The following STK25 variants were observed in gnomAD, a reference collection of about 807,000 sequenced individuals.
STK25 encodes the protein serine/threonine-protein kinase 25.
Under a neutral mutation model 53.8 loss-of-function variants are expected in STK25, and 29 were observed. That is an observed-to-expected ratio of 0.54 (90% CI 0.40 to 0.74). STK25 has a LOEUF of 0.74. STK25 is among the 30% of genes least tolerant of loss of function. The pLI is 0.00. For missense variants in STK25, 420 were observed against 568.0 expected, an observed-to-expected ratio of 0.74 and a Z score of 2.65; for synonymous variants, 247 against 238.3, an observed-to-expected ratio of 1.04 and a Z score of -0.33.
chr2:241,507,629 C>T (rs2065918407), intron 2 of STK25, among the ~76,000 whole-genome samples: 1 of 152,220 alleles, frequency 6.6e-6, no homozygotes, highest in Non-Finnish European at 1.5e-5. Context: ...CGGCCCAGGC[C>T]GAGGCCGCAG....
intron 2 of STK25, among the ~76,000 whole-genome samples, chr2:241,503,072 A>G (rs1174179626): frequency 6.6e-6 from 1 of 151,972 alleles, no homozygotes; most frequent in Non-Finnish European, 1.5e-5. Context: ...ACCCTTTTTT[A>G]AATGTTTTTG....
intron 8 of STK25, 119 bp downstream of exon 8, chr2:241,498,519 TC>T: frequency 7.3e-7 from 1 of 1,366,482 alleles, no homozygotes; most frequent in Non-Finnish European, 9.9e-7. Context: ...CTTGAGGGGG[TC>T]CCTGCCCAAC....
intron 9 of STK25, 119 bp downstream of exon 9, chr2:241,498,116 C>A: frequency 1.0e-6 from 1 of 958,550 alleles, no homozygotes; most frequent in Non-Finnish European, 1.7e-6. Context: ...ACCACCCCTG[C>A]CTTTCCCAAG....
Position 241,501,799 on chromosome 2 carries a change from C to A in STK25, c.31-91G>T. On this transcript the variant is annotated intron_variant, in intron 2 of 11. Coordinates refer to ENST00000316586, the MANE Select transcript of STK25 (RefSeq NM_001271977.2). This position sits in a 1 kb window ranked among gnomAD's most constrained non-coding sequence, Gnocchi z 5.3. ...GGCTGCCCTGCTGGGGAGGAAGGGA[C>A]CTGTAGGGAAGGGGGAGTCCAAGGG... is the stretch of plus-strand genomic sequence containing the variant. 1 of 916,004 alleles carries A rather than the reference C, an allele frequency of 1.1e-6. No individual in the cohort carries two copies. 56.7% of individuals were successfully genotyped at this position (916,004 alleles called of 1,614,324 possible). A position where few individuals can be genotyped will look rare whatever the true frequency, so the allele number is the denominator to read the frequency against.
In STK25 at chr2:241,493,071, T is replaced by C; in HGVS notation, c.*2591A>G. 3 of 1,282,416 alleles carry C rather than the reference T, an allele frequency of 2.3e-6. No individual in the cohort carries two copies. The highest frequency in any genetic ancestry group is 3.4e-6 in the Non-Finnish European group (3 of 877,094). The allele number at this position is 1,282,416 out of a possible 1,614,324, so 79.4% of individuals were successfully genotyped here. A position where few individuals can be genotyped will look rare whatever the true frequency, so the allele number is the denominator to read the frequency against. On this transcript the variant is annotated 3_prime_UTR_variant, in exon 12 of 12. Coordinates refer to ENST00000316586, the MANE Select transcript of STK25 (RefSeq NM_001271977.2). The stretch of plus-strand genomic sequence containing the variant: ...TTTCACTGGAGCCCAATGCAGGTGA[T>C]GCTAGCAGACAGACACTTAACCCTG...
At chr2:241,497,384 GA>G in intron 10 of STK25, 15 of 536,604 alleles carry the variant, frequency 2.8e-5, no homozygotes, top group Admixed American at 3.2e-5. Context: ...TGCACCTGAA[GA>G]AAAAAAAGTC....
chr2:241,508,149 C>A lies in STK25; in HGVS notation c.-100-14G>T. The A allele has an allele frequency of 2.0e-6, 3 of 1,473,552 alleles. No homozygotes were observed. Among genetic ancestry groups the A allele is most frequent in the South Asian group, 2.8e-5 (2 of 72,494 alleles). 91.3% of individuals were successfully genotyped at this position (1,473,552 alleles called of 1,614,324 possible). On this transcript the variant is annotated splice_polypyrimidine_tract_variant and intron_variant, in intron 1 of 11. Coordinates refer to ENST00000316586, the MANE Select transcript of STK25 (RefSeq NM_001271977.2). ...GGCGTCAGTCCACTGCGAGGGACAC[C>A]AGGGGCGCTCGGTGCCCAGTTCAGT... is the stretch of plus-strand genomic sequence containing the variant.
At position 241,493,597 on chromosome 2, in the gene STK25, G is replaced by GTTTTT; in HGVS notation, c.*2060_*2064dup. ...CATTTCCAAAAAACAGCAATGCTTTGTTTTTTTTTTTTTTGGAGATGGCGT... is the reference window on the plus strand; with the variant it reads ...CATTTCCAAAAAACAGCAATGCTTTGTTTTTTTTTTTTTTTTTTTGGAGATGGCGT... On this transcript the variant is annotated 3_prime_UTR_variant, in exon 12 of 12. Coordinates refer to ENST00000316586, the MANE Select transcript of STK25 (RefSeq NM_001271977.2). 7.1e-6 allele frequency: 4 copies of GTTTTT among 559,572 alleles called. No homozygotes were observed. Among genetic ancestry groups the GTTTTT allele is most frequent in the Admixed American group, 3.2e-5 (1 of 31,658 alleles). 34.7% of individuals were successfully genotyped at this position (559,572 alleles called of 1,614,324 possible).
Position 241,495,645 on chromosome 2 carries a change from C to T in STK25, c.*17G>A, listed in dbSNP as rs755304245. On this transcript the variant is annotated 3_prime_UTR_variant, in exon 12 of 12. Transcript: ENST00000316586. ...AAACAAACGACCTTCCGTCCCCTAT[C>T]TGAACAGCAGTGCGCTTCAGCGGGT... 1.9e-5 allele frequency: 31 copies of T among 1,614,174 alleles called. No individual in the cohort carries two copies. The highest frequency in any genetic ancestry group is 2.6e-5 in the Non-Finnish European group (31 of 1,179,968).
At position 241,496,025 on chromosome 2, in the gene STK25, G is replaced by A. The variant is rs1255645584; in HGVS notation, c.1242-324C>T. ...TGTCCTGCCCTGTCTCTTTGCTAAG[G>A]ACTCGAGTCAGCACAGGGGCAGCTC... On this transcript the variant is annotated intron_variant, in intron 11 of 11. Coordinates refer to ENST00000316586, the MANE Select transcript of STK25 (RefSeq NM_001271977.2). This position sits in a 1 kb window ranked among gnomAD's most constrained non-coding sequence, Gnocchi z 5.8. Among the ~76,000 whole-genome samples the A allele has an allele frequency of 1.3e-5, 2 of 152,206 alleles. No individual in the cohort carries two copies. Among genetic ancestry groups the A allele is most frequent in the Non-Finnish European group, 2.9e-5 (2 of 68,026 alleles).
rs2124978203 is a variant in STK25 at position 241,501,349 on chromosome 2, G to A, written c.261+129C>T. The A allele has an allele frequency of 1.0e-6, 1 of 957,250 alleles. No homozygotes were observed. The highest frequency in any genetic ancestry group is 1.6e-6 in the Non-Finnish European group (1 of 615,742). 59.3% of individuals were successfully genotyped at this position (957,250 alleles called of 1,614,324 possible). On this transcript the variant is annotated intron_variant, in intron 3 of 11. Transcript: ENST00000316586. The surrounding 1 kb of genome is among the most constrained non-coding windows in gnomAD (Gnocchi z 5.3). Reference sequence around the variant, plus strand: ...GCTCACACCCTGCCTGCCCAGGGCAGTTTCCCGGAGGGCATGCACTGAACC... The same window carrying A: ...GCTCACACCCTGCCTGCCCAGGGCAATTTCCCGGAGGGCATGCACTGAACC...
At position 241,499,283 on chromosome 2, in the gene STK25, T is replaced by G; in HGVS notation, c.559A>C (p.Ile187Leu). Residue 187 changes from isoleucine to leucine, a missense_variant, in exon 6 of 12, where the codon ATC becomes CTC. Coordinates refer to ENST00000316586, the MANE Select transcript of STK25 (RefSeq NM_001271977.2). Reference protein sequence around the residue: ...GTPFWMAPEVIKQSAYDFKAD... With the variant: ...GTPFWMAPEVLKQSAYDFKAD... ...TTGAAGTCGTAGGCCGACTGCTTGATGACCTCAGGTGCCATCCAGAAGGGG... is the reference window on the plus strand; with the variant it reads ...TTGAAGTCGTAGGCCGACTGCTTGAGGACCTCAGGTGCCATCCAGAAGGGG... 6.2e-7 allele frequency: 1 copy of G among 1,614,022 alleles called. No homozygotes were observed. The highest frequency in any genetic ancestry group is 1.1e-5 in the South Asian group (1 of 91,084).
intron 2 of STK25, among the ~76,000 whole-genome samples, chr2:241,502,340 C>A: frequency 6.6e-6 from 1 of 152,188 alleles, no homozygotes. Flanking sequence ...ACCCGAACAA[C>A]ATGCCAGCCC....
chr2:241,493,206 G>A lies in STK25; in HGVS notation c.*2456C>T, dbSNP rs527310367. The A allele has an allele frequency of 5.4e-5, 79 of 1,449,846 alleles. No individual in the cohort carries two copies. The highest frequency in any genetic ancestry group is 3.6e-4 in the South Asian group (30 of 83,398). 89.8% of individuals were successfully genotyped at this position (1,449,846 alleles called of 1,614,324 possible). A position where few individuals can be genotyped will look rare whatever the true frequency, so the allele number is the denominator to read the frequency against. ...TCCCTTGGCCCGTGGGCATTTGTAC[G>A]TGCCACCGTTGTGCAGGTAGCAGAG... is the stretch of plus-strand genomic sequence containing the variant. On this transcript the variant is annotated 3_prime_UTR_variant, in exon 12 of 12. Transcript: ENST00000316586.
In STK25 at chr2:241,494,448, G is replaced by A. The variant is rs1466948212; in HGVS notation, c.*1214C>T. ...GCAGTGCTCTCGGCATCGGACCAAA[G>A]CCTGGGCACACCCTGCCTCTCTCCC... is the stretch of plus-strand genomic sequence containing the variant. On this transcript the variant is annotated 3_prime_UTR_variant, in exon 12 of 12. Transcript: ENST00000316586. This position sits in a 1 kb window ranked among gnomAD's most constrained non-coding sequence, Gnocchi z 4.9. 3 of 196,718 alleles carry A rather than the reference G, an allele frequency of 1.5e-5. No individual in the cohort carries two copies. Among genetic ancestry groups the A allele is most frequent in the Non-Finnish European group, 3.1e-5 (3 of 97,424 alleles). The allele number at this position is 196,718 out of a possible 1,614,324, so 12.2% of individuals were successfully genotyped here.
intron 2 of STK25, chr2:241,502,026 T>G (rs1042306453): frequency 3.4e-6 from 1 of 290,240 alleles, no homozygotes; most frequent in Non-Finnish European, 6.7e-6. Context: ...TATCTGGGCG[T>G]GGCGGCTCAT....
chr2:241,508,840 G>A, upstream of STK25: 4 of 772,948 alleles, frequency 5.2e-6, no homozygotes, highest in Non-Finnish European at 6.3e-6. Flanking sequence ...CGTGGTCGTT[G>A]TCGCGTCGCG....
At position 241,507,997 on chromosome 2, in the gene STK25, C is replaced by G. The variant is rs371826527; in HGVS notation, c.30+9G>C. Reference sequence around the variant, plus strand: ...GGCCGCTAGTCTTCCTGACCTGCACCCTTCTCACCTGGTTGGCAAATCCCC... The same window carrying G: ...GGCCGCTAGTCTTCCTGACCTGCACGCTTCTCACCTGGTTGGCAAATCCCC... On this transcript the variant is annotated intron_variant, in intron 2 of 11. Transcript: ENST00000316586. 1.2e-4 allele frequency: 185 copies of G among 1,599,666 alleles called. No homozygotes were observed. The highest frequency in any genetic ancestry group is 1.5e-4 in the Non-Finnish European group (177 of 1,174,228).
chr2:241,500,361 A>AC, intron 4 of STK25, 80 bp from the exon 5 acceptor site: 2 of 1,006,414 alleles, frequency 2.0e-6, no homozygotes, highest in Non-Finnish European at 3.1e-6. Flanking sequence ...TCTCACAGGG[A>AC]AGGGCTGTCC....
Sources: gnomAD v4.1 joint callset for allele counts (sites outside exome capture counted in the v4.1 genomes callset) on GRCh38, gnomAD v4.1.1 for gene constraint, Gnocchi (gnomAD v3.1) non-coding constraint, MANE v1.5 for transcripts, NCBI Gene and HGNC (gene_info 2026-07-23, HGNC 2026-07-21) for gene names.